The following CDRT4 variants were observed in gnomAD, a reference collection of about 807,000 sequenced individuals.
CDRT4 encodes the protein CMT1A duplicated region transcript 4, also known as CMT1A duplicated region transcript 4 protein.
For missense variants in CDRT4, 167 were observed against 193.1 expected (o/e 0.87, Z 0.80); for synonymous variants, 64 against 69.6 (o/e 0.92, Z 0.40).
At chr17:15,451,899 C>T (rs1567611855) in intron 2 of CDRT4, among the ~76,000 whole-genome samples, 1 of 152,224 alleles carries the variant, frequency 6.6e-6, no homozygotes, top group Non-Finnish European at 1.5e-5. Flanking sequence ...CACATGACAG[C>T]GATGATCTCA....
intron 2 of CDRT4, among the ~76,000 whole-genome samples, chr17:15,444,862 G>T (rs1423344865): frequency 1.3e-5 from 2 of 152,106 alleles, no homozygotes; most frequent in Non-Finnish European, 2.9e-5. Flanking sequence ...AAAGGGCCAT[G>T]AAGTATTTCC....
At chr17:15,438,543 A>G (rs995257702) in intron 3 of CDRT4, among the ~76,000 whole-genome samples, 2 of 152,218 alleles carry the variant, frequency 1.3e-5, no homozygotes, top group Non-Finnish European at 2.9e-5. Flanking sequence ...AGAAAGTAAT[A>G]TATTTCAAGG....
chr17:15,455,410 A>G (rs1979443593), intron 1 of CDRT4, among the ~76,000 whole-genome samples: 1 of 152,228 alleles, frequency 6.6e-6, no homozygotes, highest in Non-Finnish European at 1.5e-5. Flanking sequence ...TTGGGCCCAT[A>G]AGGCCTATCC....
At chr17:15,449,547 CTT>C (rs1489805811) in intron 2 of CDRT4, among the ~76,000 whole-genome samples, 1 of 152,148 alleles carries the variant, frequency 6.6e-6, no homozygotes, top group Non-Finnish European at 1.5e-5. Flanking sequence ...CCAAGCAACT[CTT>C]TCTTTTTTTA....
intron 1 of CDRT4, among the ~76,000 whole-genome samples, chr17:15,462,762 A>G (rs1341596789): frequency 6.6e-6 from 1 of 152,198 alleles, no homozygotes; most frequent in Admixed American, 6.5e-5. Flanking sequence ...GTGTAAAGCA[A>G]GTGTGTGACT....
chr17:15,447,699 A>G (rs1303390145), intron 2 of CDRT4, among the ~76,000 whole-genome samples: 1 of 152,234 alleles, frequency 6.6e-6, no homozygotes, highest in African/African-American at 2.4e-5. Context: ...AAGGCCCATT[A>G]AGCATAAAAC....
chr17:15,447,919 A>T (rs1979097863), intron 2 of CDRT4, among the ~76,000 whole-genome samples: 1 of 152,200 alleles, frequency 6.6e-6, no homozygotes, highest in Non-Finnish European at 1.5e-5. Flanking sequence ...AGCCCTACAA[A>T]CTCATATTCA....
intron 1 of CDRT4, among the ~76,000 whole-genome samples, chr17:15,456,354 T>C (rs994121142): frequency 1.3e-5 from 2 of 152,106 alleles, no homozygotes; most frequent in Admixed American, 1.3e-4. Flanking sequence ...GCCTTACACA[T>C]TACTGGAGAG....
At position 15,450,569 on chromosome 17, in the gene CDRT4, C is replaced by G. The variant is rs75260161; in HGVS notation, c.-48+2435G>C. ...CTGTCTCCATTGAGGATTTCTAGTT[C>G]CCTTCTTTTTTTTTTTTTATTTCCA... On this transcript the variant is annotated intron_variant, in intron 2 of 3. Coordinates refer to ENST00000619038, the MANE Select transcript of CDRT4 (RefSeq NM_001204477.2). This position sits in a 1 kb window ranked among gnomAD's most constrained non-coding sequence, Gnocchi z 4.2. Among the ~76,000 whole-genome samples, 1,669 of 147,476 alleles carry G rather than the reference C, an allele frequency of 0.011. 32 individuals carry two copies. The highest frequency in any genetic ancestry group is 0.04 in the African/African-American group (1,564 of 38,992).
intron 2 of CDRT4, among the ~76,000 whole-genome samples, chr17:15,443,446 ATTT>A (rs34178494): frequency 2.9e-4 from 36 of 125,332 alleles, no homozygotes; most frequent in Non-Finnish European, 2.2e-4. Flanking sequence ...TAGCTGGATA[ATTT>A]TTTTTTTTTT....
chr17:15,452,180 T>C (rs1437260203), intron 2 of CDRT4, among the ~76,000 whole-genome samples: 2 of 152,222 alleles, frequency 1.3e-5, no homozygotes, highest in East Asian at 1.9e-4. Flanking sequence ...GGGAAAGGCC[T>C]GGGTTCAAAT....
Position 15,445,557 on chromosome 17 carries a change from C to A in CDRT4, c.-47-5272G>T, listed in dbSNP as rs147922736. 3.4e-3 allele frequency among the ~76,000 whole-genome samples: 520 copies of A among 152,256 alleles called. 13 individuals are homozygous for A. Among genetic ancestry groups the A allele is most frequent in the Admixed American group, 0.029 (448 of 15,292 alleles). ...GTGGGTCATCTCATGGAACTAGCAA[C>A]CAGTGAAAAAATGTTCTTCTCCTGC... On this transcript the variant is annotated intron_variant, in intron 2 of 3. Coordinates refer to ENST00000619038, the MANE Select transcript of CDRT4 (RefSeq NM_001204477.2).
intron 2 of CDRT4, among the ~76,000 whole-genome samples, chr17:15,442,141 T>C (rs1597457165): frequency 6.6e-6 from 1 of 152,210 alleles, no homozygotes; most frequent in South Asian, 2.1e-4. Context: ...CTGGGCGCGG[T>C]AGCTCATGCC....
intron 2 of CDRT4, among the ~76,000 whole-genome samples, chr17:15,441,486 CT>C (rs779039533): frequency 2.6e-5 from 4 of 152,016 alleles, no homozygotes; most frequent in Non-Finnish European, 4.4e-5. Context: ...GGTGTTAAGC[CT>C]TTTTTATCAG....
Position 15,437,598 on chromosome 17 carries a change from C to A in CDRT4, c.*175G>T. On this transcript the variant is annotated 3_prime_UTR_variant, in exon 4 of 4. Transcript: ENST00000619038. ...GGAGGGGACACACTCACCCACCCAC[C>A]TACAGCTTGCATTCTGATCTGGTTT... is the stretch of plus-strand genomic sequence containing the variant. 1 of 673,612 alleles carries A rather than the reference C, an allele frequency of 1.5e-6. No homozygotes were observed. The highest frequency in any genetic ancestry group is 2.5e-6 in the Non-Finnish European group (1 of 403,498). 41.7% of individuals were successfully genotyped at this position (673,612 alleles called of 1,614,324 possible). A position where few individuals can be genotyped will look rare whatever the true frequency, so the allele number is the denominator to read the frequency against.
chr17:15,451,103 G>A (rs987653168), intron 2 of CDRT4, among the ~76,000 whole-genome samples: 4 of 152,190 alleles, frequency 2.6e-5, no homozygotes, highest in Non-Finnish European at 5.9e-5. Context: ...TTGTGGGAGG[G>A]ACCTGGTGGG....
At chr17:15,442,002 A>T (rs1978784628) in intron 2 of CDRT4, among the ~76,000 whole-genome samples, 1 of 152,178 alleles carries the variant, frequency 6.6e-6, no homozygotes, top group Non-Finnish European at 1.5e-5. Context: ...ATCTAAAGTC[A>T]CCCATTCCAA....
intron 1 of CDRT4, among the ~76,000 whole-genome samples, chr17:15,457,747 T>C (rs1302360070): frequency 6.6e-6 from 1 of 152,106 alleles, no homozygotes; most frequent in East Asian, 1.9e-4. Flanking sequence ...CTGCTTTGCT[T>C]TTGGGGCCAC....
chr17:15,453,203 ATAATTAAAAAT>A lies in CDRT4; in HGVS notation c.-129-129_-129-119del, dbSNP rs569647764. 5.5e-4 allele frequency: 84 copies of A among 152,356 alleles called. No homozygotes were observed. The Middle Eastern group carries it at 0.014, about 25-fold the overall frequency. The allele number at this position is 152,356 out of a possible 1,614,324, so 9.4% of individuals were successfully genotyped here. The stretch of plus-strand genomic sequence containing the variant: ...TTAAATACATAAAAAATTGTTGCCT[ATAATTAAAAAT>A]TAAATAGCAATTGTCCATTCCCCAG... On this transcript the variant is annotated intron_variant, in intron 1 of 3. Coordinates refer to ENST00000619038, the MANE Select transcript of CDRT4 (RefSeq NM_001204477.2).
Sources: gnomAD v4.1 joint callset for allele counts (sites outside exome capture counted in the v4.1 genomes callset) on GRCh38, gnomAD v4.1.1 for gene constraint, Gnocchi (gnomAD v3.1) non-coding constraint, MANE v1.5 for transcripts, NCBI Gene and HGNC (gene_info 2026-07-23, HGNC 2026-07-21) for gene names.